XIRP2: variants seen among roughly 807,000 people sequenced by gnomAD.
XIRP2 encodes xin actin binding repeat containing 2.
XIRP2 carries 236 observed loss-of-function variants against 277.0 expected under a neutral mutation model. The observed-to-expected ratio is 0.85, with a 90% CI of 0.77 to 0.95. The LOEUF is 0.95. Among genes scored for constraint, XIRP2 ranks in the 40% least tolerant of loss-of-function variants. XIRP2 has a pLI of 0.00. For missense variants in XIRP2, 4,640 were observed against 4,157.5 expected (o/e 1.12, Z -3.19); for synonymous variants, 1,490 against 1,416.5 (o/e 1.05, Z -1.17).
chr2:166,997,041 C>T (rs551754109), intron 2 of XIRP2, among the ~76,000 whole-genome samples: 1 of 152,232 alleles, frequency 6.6e-6, no homozygotes, highest in South Asian at 2.1e-4. Context: ...AATAAGTTTT[C>T]TTTGTGTTGC....
At chr2:167,208,220 T>C (rs1439880316) in intron 3 of XIRP2, among the ~76,000 whole-genome samples, 1 of 152,228 alleles carries the variant, frequency 6.6e-6, no homozygotes, top group Non-Finnish European at 1.5e-5. Flanking sequence ...GAAAATTTAA[T>C]TTTCCCCTTC....
intron 2 of XIRP2, among the ~76,000 whole-genome samples, chr2:167,089,557 T>C (rs1405619371): frequency 6.6e-6 from 1 of 152,172 alleles, no homozygotes; most frequent in Non-Finnish European, 1.5e-5. Context: ...ATCCATAATT[T>C]CTACTGCTTT....
At chr2:167,132,325 C>T (rs1223635399) in intron 2 of XIRP2, among the ~76,000 whole-genome samples, 2 of 152,140 alleles carry the variant, frequency 1.3e-5, no homozygotes, top group African/African-American at 4.8e-5. Context: ...GGGACAAATG[C>T]TCCTGGCATC....
chr2:167,125,819 A>G (rs187576859), intron 2 of XIRP2, among the ~76,000 whole-genome samples: 103 of 152,272 alleles, frequency 6.8e-4, no homozygotes, highest in African/African-American at 2.2e-3. Flanking sequence ...TCATGGTTCT[A>G]TGGGTTGACT....
At position 167,249,993 on chromosome 2, in the gene XIRP2, G is replaced by C; in HGVS notation, c.8601G>C (p.Gln2867His). Residue 2867 changes from glutamine (Q) to histidine (H), a missense_variant, in exon 9 of 11, where the codon CAG becomes CAC. Transcript: ENST00000409195. ...ATGCACATCTTGATTCACAGACTCAGAATTTTCAGCAAACACAAATACAGA... is the reference window on the plus strand; with the variant it reads ...ATGCACATCTTGATTCACAGACTCACAATTTTCAGCAAACACAAATACAGA... The part of the protein sequence containing the change: ...VIDAHLDSQT[Q>H]NFQQTQIQTA... 1.2e-6 allele frequency: 2 copies of C among 1,613,610 alleles called. No homozygotes were observed. The highest frequency in any genetic ancestry group is 2.2e-5 in the East Asian group (1 of 44,816).
intron 2 of XIRP2, among the ~76,000 whole-genome samples, chr2:167,096,552 C>T (rs1346112175): frequency 6.6e-6 from 1 of 152,002 alleles, no homozygotes; most frequent in East Asian, 1.9e-4. Context: ...ATCTCCTTCA[C>T]TTCTGTTTTG....
intron 2 of XIRP2, among the ~76,000 whole-genome samples, chr2:167,100,547 A>G (rs1313246087): frequency 6.6e-6 from 1 of 152,248 alleles, no homozygotes; most frequent in African/African-American, 2.4e-5. Flanking sequence ...TGGCCTAAGA[A>G]GGAAGCTACC....
chr2:167,129,228 T>C (rs1216374101), intron 2 of XIRP2, among the ~76,000 whole-genome samples: 3 of 152,216 alleles, frequency 2.0e-5, no homozygotes, highest in Non-Finnish European at 4.4e-5. Context: ...CTTCTATTAA[T>C]ATTTTTATTT....
chr2:167,230,614 T>C (rs1694721538), intron 5 of XIRP2, among the ~76,000 whole-genome samples: 1 of 152,118 alleles, frequency 6.6e-6, no homozygotes, highest in Non-Finnish European at 1.5e-5. Context: ...GTATACTATA[T>C]TCATGATATA....
rs772537760 is a variant in XIRP2 at position 167,247,275 on chromosome 2, A to G, written c.5883A>G (p.Lys1961=). Residue 1961 remains lysine, a synonymous_variant, in exon 9 of 11, where the codon AAA becomes AAG. Transcript: ENST00000409195. ...AVMAGSSGEQ[K]TDIHQVAVQR... ...TGGCAGGATCCTCGGGAGAGCAGAA[A>G]ACAGATATTCATCAGGTTGCTGTCC... 1 of 1,613,624 alleles carries G rather than the reference A, an allele frequency of 6.2e-7. No homozygotes were observed. Among genetic ancestry groups the G allele is most frequent in the African/African-American group, 1.3e-5 (1 of 74,888 alleles).
At chr2:167,192,327 T>A (rs1041298987) in intron 3 of XIRP2, among the ~76,000 whole-genome samples, 4 of 152,202 alleles carry the variant, frequency 2.6e-5, no homozygotes, top group Non-Finnish European at 5.9e-5. Flanking sequence ...GCTTTGTAAC[T>A]TCATGGGTAA....
At chr2:167,006,527 C>T (rs1262098395) in intron 2 of XIRP2, among the ~76,000 whole-genome samples, 3 of 151,728 alleles carry the variant, frequency 2.0e-5, no homozygotes, top group Non-Finnish European at 4.4e-5. Context: ...TTTGTGATTT[C>T]TGTTTCTAAG....
intron 2 of XIRP2, among the ~76,000 whole-genome samples, chr2:166,999,981 T>A (rs1015929103): frequency 1.3e-5 from 2 of 152,296 alleles, no homozygotes; most frequent in Non-Finnish European, 1.5e-5. Context: ...ACCTTAATTT[T>A]AAAAAGATAT....
rs141305080 is a variant in XIRP2 at position 167,133,512 on chromosome 2, T to A, written c.409-2397T>A. Among the ~76,000 whole-genome samples, 9 of 152,330 alleles carry A rather than the reference T, an allele frequency of 5.9e-5. No individual in the cohort carries two copies. In the East Asian group the frequency reaches 1.4e-3, roughly 23 times the overall value. ...CCAAAATGAGAATACCAATATAGTATAAGTTAATGTCATCACCAGCTGAAA... is the reference window on the plus strand; with the variant it reads ...CCAAAATGAGAATACCAATATAGTAAAAGTTAATGTCATCACCAGCTGAAA... On this transcript the variant is annotated intron_variant, in intron 2 of 10. Coordinates refer to ENST00000409195, the MANE Select transcript of XIRP2 (RefSeq NM_152381.6).
chr2:166,955,589 C>T (rs948908839), intron 2 of XIRP2, among the ~76,000 whole-genome samples: 3 of 151,794 alleles, frequency 2.0e-5, no homozygotes, highest in East Asian at 3.9e-4. Flanking sequence ...ATATATCTCA[C>T]TAAACTTATA....
At chr2:166,910,611 C>T (rs1684674624) in intron 2 of XIRP2, among the ~76,000 whole-genome samples, 1 of 152,042 alleles carries the variant, frequency 6.6e-6, no homozygotes, top group Admixed American at 6.6e-5. Flanking sequence ...TCTCTATTTC[C>T]TTCAGTTCTG....
At chr2:167,025,088 C>G (rs550188624) in intron 2 of XIRP2, among the ~76,000 whole-genome samples, 161 of 152,038 alleles carry the variant, frequency 1.1e-3, no homozygotes, top group South Asian at 4.8e-3. Context: ...TGGTCCTGGA[C>G]TCTTTACGGT....
chr2:167,069,783 C>A (rs1470132108), intron 2 of XIRP2, among the ~76,000 whole-genome samples: 1 of 152,118 alleles, frequency 6.6e-6, no homozygotes, highest in Non-Finnish European at 1.5e-5. Flanking sequence ...AGGTTTATTT[C>A]ATTTTTGTCA....
intron 2 of XIRP2, among the ~76,000 whole-genome samples, chr2:167,021,862 T>G (rs969645605): frequency 6.6e-6 from 1 of 152,070 alleles, no homozygotes; most frequent in Admixed American, 6.6e-5. Flanking sequence ...GTTATAAAAA[T>G]AATTTGATTA....
Sources: gnomAD v4.1 joint callset for allele counts (sites outside exome capture counted in the v4.1 genomes callset) on GRCh38, gnomAD v4.1.1 for gene constraint, MANE v1.5 for transcripts, NCBI Gene and HGNC (gene_info 2026-07-23, HGNC 2026-07-21) for gene names.